The following MOCOS variants were observed in gnomAD, a reference collection of about 807,000 sequenced individuals.
MOCOS encodes the protein human molybdenum cofactor sulfurase.
MOCOS carries 86 observed loss-of-function variants against 83.6 expected under a neutral mutation model. That is an observed-to-expected ratio of 1.03 (90% CI 0.86 to 1.23). MOCOS has a LOEUF of 1.23. Ranked by LOEUF, MOCOS falls within the 50% of genes most tolerant of loss-of-function variation. The pLI, the probability that MOCOS is intolerant of heterozygous loss-of-function variation, is 0.00. For missense variants in MOCOS, 1,120 were observed against 1,126.9 expected, an observed-to-expected ratio of 0.99 and a Z score of 0.09; for synonymous variants, 445 against 434.7, an observed-to-expected ratio of 1.02 and a Z score of -0.29.
chr18:36,254,490 GTGTGTGTGTA>G (rs201729097), intron 11 of MOCOS, among the ~76,000 whole-genome samples: 1 of 116,732 alleles, frequency 8.6e-6, no homozygotes, highest in African/African-American at 3.8e-5. Context: ...GTGTGTGTGT[GTGTGTGTGTA>G]TAGAGAGAGA....
In MOCOS at chr18:36,195,452, A is replaced by T. The variant is rs2091383682; in HGVS notation, c.232+106A>T. The T allele has an allele frequency of 9.5e-6, 10 of 1,050,090 alleles. No individual in the cohort carries two copies. The East Asian group carries it at 2.5e-4, about 26-fold the overall frequency. 65.0% of individuals were successfully genotyped at this position (1,050,090 alleles called of 1,614,324 possible). The stretch of plus-strand genomic sequence containing the variant: ...GGCCAGGAATATTCTGACCACAAAA[A>T]GCTGAATAAGCCCCATGTAAGATAG... On this transcript the variant is annotated intron_variant, in intron 2 of 14. Coordinates refer to ENST00000261326, the MANE Select transcript of MOCOS (RefSeq NM_017947.4).
At chr18:36,264,499 G>A (rs956038894) in intron 13 of MOCOS, among the ~76,000 whole-genome samples, 9 of 152,268 alleles carry the variant, frequency 5.9e-5, no homozygotes, top group Middle Eastern at 3.4e-3. Context: ...AGGGATCCTC[G>A]TGTATAATAG....
chr18:36,261,412 C>A (rs531208810), intron 13 of MOCOS, among the ~76,000 whole-genome samples: 95 of 152,140 alleles, frequency 6.2e-4, no homozygotes, highest in African/African-American at 2.1e-3. Context: ...TGGTGTCAAG[C>A]ATATTGGATA....
At chr18:36,206,631 C>T (rs939877595) in intron 6 of MOCOS, among the ~76,000 whole-genome samples, 4 of 152,176 alleles carry the variant, frequency 2.6e-5, no homozygotes, top group African/African-American at 4.8e-5. Context: ...CAATCTTCCC[C>T]TCCCCCCACC....
chr18:36,203,835 T>C (rs1037751746), intron 5 of MOCOS, among the ~76,000 whole-genome samples: 4 of 152,176 alleles, frequency 2.6e-5, no homozygotes, highest in Admixed American at 6.5e-5. Flanking sequence ...CTGATGGCAA[T>C]GCAGGGAGGT....
At chr18:36,192,546 A>C (rs2091370228) in intron 1 of MOCOS, among the ~76,000 whole-genome samples, 1 of 152,242 alleles carries the variant, frequency 6.6e-6, no homozygotes, top group African/African-American at 2.4e-5. Context: ...TACAGATTCA[A>C]TGAAATGCCT....
In MOCOS at chr18:36,260,186, G is replaced by A. The variant is rs762060146; in HGVS notation, c.2409+11G>A. The A allele has an allele frequency of 2.5e-6, 4 of 1,614,052 alleles. No homozygotes were observed. The highest frequency in any genetic ancestry group is 3.4e-6 in the Non-Finnish European group (4 of 1,179,964). On this transcript the variant is annotated intron_variant, in intron 13 of 14. Coordinates refer to ENST00000261326, the MANE Select transcript of MOCOS (RefSeq NM_017947.4). ...TCTTTGCGTTTCCAGGTAAGTTTGGGGAAGTTCTATTATCCTTCCTCCAGG... is the reference window on the plus strand; with the variant it reads ...TCTTTGCGTTTCCAGGTAAGTTTGGAGAAGTTCTATTATCCTTCCTCCAGG...
intron 7 of MOCOS, among the ~76,000 whole-genome samples, chr18:36,213,839 G>A (rs960042856): frequency 3.3e-5 from 5 of 152,038 alleles, no homozygotes; most frequent in Non-Finnish European, 5.9e-5. Flanking sequence ...TGAGGCAGGA[G>A]AATCGTTTGA....
intron 6 of MOCOS, among the ~76,000 whole-genome samples, chr18:36,210,841 ACT>A (rs1233670558): frequency 1.5e-5 from 2 of 129,326 alleles, no homozygotes; most frequent in Admixed American, 8.7e-5. Flanking sequence ...ACAGAGCAAG[ACT>A]CTGTCTCAAA....
At chr18:36,255,233 G>A (rs1256363865) in intron 11 of MOCOS, among the ~76,000 whole-genome samples, 1 of 152,156 alleles carries the variant, frequency 6.6e-6, no homozygotes, top group African/African-American at 2.4e-5. Context: ...CTTCTGAGAC[G>A]CTTAAATAAA....
At chr18:36,211,081 GACTA>G (rs1299535853) in intron 6 of MOCOS, among the ~76,000 whole-genome samples, 1 of 152,016 alleles carries the variant, frequency 6.6e-6, no homozygotes, top group East Asian at 1.9e-4. Context: ...GCTAAGGCAT[GACTA>G]ACTGTGCCAG....
At chr18:36,231,554 G>T (rs776305236) in intron 9 of MOCOS, among the ~76,000 whole-genome samples, 1 of 152,098 alleles carries the variant, frequency 6.6e-6, no homozygotes, top group Non-Finnish European at 1.5e-5. Flanking sequence ...TTGTTTGTTT[G>T]TTTGTTTTGT....
intron 1 of MOCOS, among the ~76,000 whole-genome samples, chr18:36,190,825 C>A (rs2091362109): frequency 1.3e-5 from 2 of 151,762 alleles, no homozygotes; most frequent in Admixed American, 1.3e-4. Flanking sequence ...GTAATCCCAG[C>A]ACTTTGGGAG....
At position 36,205,063 on chromosome 18, in the gene MOCOS, A is replaced by G. The variant is rs752766980; in HGVS notation, c.1019-14A>G. On this transcript the variant is annotated splice_polypyrimidine_tract_variant and intron_variant, in intron 5 of 14. Coordinates refer to ENST00000261326, the MANE Select transcript of MOCOS (RefSeq NM_017947.4). ...AAAGCTCATGATTCTCTTGTGTTTCATGATTGATTTGAGGTGGAATGGAGA... is the reference window on the plus strand; with the variant it reads ...AAAGCTCATGATTCTCTTGTGTTTCGTGATTGATTTGAGGTGGAATGGAGA... 1.3e-5 allele frequency: 19 copies of G among 1,511,414 alleles called. No individual in the cohort carries two copies. The highest frequency in any genetic ancestry group is 1.7e-5 in the Admixed American group (1 of 58,540). 93.6% of individuals were successfully genotyped at this position (1,511,414 alleles called of 1,614,324 possible).
intron 4 of MOCOS, among the ~76,000 whole-genome samples, chr18:36,202,463 A>C (rs2066419491): frequency 6.6e-6 from 1 of 152,052 alleles, no homozygotes; most frequent in African/African-American, 2.4e-5. Context: ...CAAAGTGTTG[A>C]GATAACAGGC....
At chr18:36,220,007 C>A (rs1388009021) in intron 8 of MOCOS, 48 bp from the exon 9 acceptor site, 7 of 1,611,492 alleles carry the variant, frequency 4.3e-6, no homozygotes, top group Middle Eastern at 2.2e-4. Context: ...TAGGTGAAGA[C>A]CAACTTTGGG....
At position 36,195,280 on chromosome 18, in the gene MOCOS, G is replaced by C. The variant is rs931447192; in HGVS notation, c.166G>C (p.Gly56Arg). The C allele has an allele frequency of 6.2e-6, 10 of 1,614,102 alleles. No individual in the cohort carries two copies. Among genetic ancestry groups the C allele is most frequent in the Non-Finnish European group, 8.5e-6 (10 of 1,179,970 alleles). ...LAGTVYLDHAGATLFSQSQLE... is the reference protein window; with the variant it reads ...LAGTVYLDHARATLFSQSQLE... ...AGGAACTGTCTATCTTGACCATGCA[G>C]GTGCCACCTTGTTCTCCCAGAGCCA... Residue 56 changes from glycine (G) to arginine (R), a missense_variant, in exon 2 of 15, where the codon GGT becomes CGT. Gly to Arg is a moderately radical substitution (Grantham distance 125). Transcript: ENST00000261326.
chr18:36,214,244 C>CAAA (rs33965546), intron 7 of MOCOS, among the ~76,000 whole-genome samples: 13 of 91,342 alleles, frequency 1.4e-4, no homozygotes, highest in East Asian at 5.7e-4. Flanking sequence ...AACTCAGTCT[C>CAAA]AAAAAAAAAA....
chr18:36,261,816 A>G (rs1166972737), intron 13 of MOCOS, among the ~76,000 whole-genome samples: 1 of 152,094 alleles, frequency 6.6e-6, no homozygotes, highest in African/African-American at 2.4e-5. Context: ...TGTCTCTGCC[A>G]TGTTTTTTAA....
Sources: gnomAD v4.1 joint callset for allele counts (sites outside exome capture counted in the v4.1 genomes callset) on GRCh38, gnomAD v4.1.1 for gene constraint, MANE v1.5 for transcripts, NCBI Gene and HGNC (gene_info 2026-07-23, HGNC 2026-07-21) for gene names.